Variants in POLR3B observed in about 807,000 individuals in gnomAD.
POLR3B encodes RNA polymerase III subunit B.
POLR3B carries 96 observed loss-of-function variants against 147.4 expected under a neutral mutation model. That is an observed-to-expected ratio of 0.65 (90% CI 0.55 to 0.77). The LOEUF (loss-of-function observed/expected upper bound fraction) is 0.77, where lower values mean the gene tolerates loss of function less well. Ranked by LOEUF, POLR3B falls within the 30% of genes least tolerant of loss-of-function variation. POLR3B has a pLI of 0.00. For missense variants in POLR3B, 1,036 were observed against 1,413.5 expected, an observed-to-expected ratio of 0.73 and a Z score of 4.28; for synonymous variants, 461 against 485.9, an observed-to-expected ratio of 0.95 and a Z score of 0.67.
chr12:106,429,545 A>G (rs1235761941), intron 13 of POLR3B, among the ~76,000 whole-genome samples: 1 of 152,154 alleles, frequency 6.6e-6, no homozygotes, highest in Non-Finnish European at 1.5e-5. Context: ...GAATATTTTT[A>G]ATGTATACAA....
chr12:106,378,923 A>C (rs2036719744), intron 8 of POLR3B, among the ~76,000 whole-genome samples: 2 of 152,190 alleles, frequency 1.3e-5, no homozygotes, highest in African/African-American at 2.4e-5. Flanking sequence ...AATTTGAAAT[A>C]TGGAGGTTAA....
chr12:106,423,246 G>A (rs540635389), intron 12 of POLR3B, among the ~76,000 whole-genome samples: 186 of 151,996 alleles, frequency 1.2e-3, no homozygotes, highest in Non-Finnish European at 2.1e-3. Flanking sequence ...ACAAATTGTC[G>A]CCATCAAATC....
chr12:106,398,328 G>A (rs1212089562), intron 10 of POLR3B, among the ~76,000 whole-genome samples: 8 of 152,234 alleles, frequency 5.3e-5, no homozygotes, highest in Non-Finnish European at 8.8e-5. Context: ...TAAACAAAGC[G>A]GCTGGGAAGC....
chr12:106,385,587 A>C (rs552635977), intron 9 of POLR3B, among the ~76,000 whole-genome samples: 2 of 152,232 alleles, frequency 1.3e-5, no homozygotes, highest in African/African-American at 4.8e-5. Context: ...ATGAGTCTTT[A>C]CTGTTAAAGT....
intron 10 of POLR3B, among the ~76,000 whole-genome samples, chr12:106,404,280 A>T (rs540393327): frequency 1.5e-4 from 23 of 152,042 alleles, no homozygotes; most frequent in South Asian, 4.2e-4. Flanking sequence ...TTTAGTAGAG[A>T]CGGAGTTTCG....
intron 23 of POLR3B, among the ~76,000 whole-genome samples, chr12:106,486,420 C>T (rs1210658832): frequency 1.3e-5 from 2 of 151,386 alleles, no homozygotes; most frequent in Non-Finnish European, 2.9e-5. Flanking sequence ...AAGCATATGG[C>T]TCATTTGGTT....
intron 23 of POLR3B, among the ~76,000 whole-genome samples, chr12:106,479,902 C>T (rs1411558596): frequency 1.3e-5 from 2 of 151,476 alleles, no homozygotes; most frequent in South Asian, 2.1e-4. Context: ...CATCCTCAAC[C>T]TCCTGGGCTC....
intron 23 of POLR3B, among the ~76,000 whole-genome samples, chr12:106,489,822 G>C (rs1019800333): frequency 1.3e-5 from 2 of 152,174 alleles, no homozygotes; most frequent in African/African-American, 4.8e-5. Flanking sequence ...CAAGTCCACA[G>C]CTTTAAACAG....
intron 13 of POLR3B, 35 bp downstream of exon 13, chr12:106,427,393 T>G (rs2037454302): frequency 6.3e-7 from 1 of 1,583,058 alleles, no homozygotes; most frequent in African/African-American, 1.3e-5. Context: ...GATTTTGTAA[T>G]TTATTTGTAA....
rs2038500977 is a variant in POLR3B, at chr12:106,497,055, C to CG, written c.2984+139dup. 4.5e-5 allele frequency: 36 copies of CG among 807,604 alleles called. 2 individuals are homozygous for CG. Among genetic ancestry groups the CG allele is most frequent in the South Asian group, 4.3e-4 (30 of 69,628 alleles). 50.0% of individuals were successfully genotyped at this position (807,604 alleles called of 1,614,324 possible). A position where few individuals can be genotyped will look rare whatever the true frequency, so the allele number is the denominator to read the frequency against. On this transcript the variant is annotated intron_variant, in intron 25 of 27. Coordinates refer to ENST00000228347, the MANE Select transcript of POLR3B (RefSeq NM_018082.6). ...CCCGTGGGCGGCATGTGGCCCAGGA[C>CG]GGCTTCGAATGCGGTCTGACACAAA... is the stretch of plus-strand genomic sequence containing the variant.
At position 106,437,608 on chromosome 12, in the gene POLR3B, A is replaced by G. The variant is rs569808455; in HGVS notation, c.1857-73A>G. On this transcript the variant is annotated intron_variant, in intron 17 of 27. Coordinates refer to ENST00000228347, the MANE Select transcript of POLR3B (RefSeq NM_018082.6). Reference sequence around the variant, plus strand: ...GCTTTGGGCCTAAACGAAAGCCAGTATCTCCTGTTATTATATAAAATACTG... The same window carrying G: ...GCTTTGGGCCTAAACGAAAGCCAGTGTCTCCTGTTATTATATAAAATACTG... 1.5e-5 allele frequency: 12 copies of G among 817,818 alleles called. No homozygotes were observed. In the African/African-American group the frequency reaches 1.5e-4, roughly 10 times the overall value. The allele number at this position is 817,818 out of a possible 1,614,324, so 50.7% of individuals were successfully genotyped here.
intron 27 of POLR3B, among the ~76,000 whole-genome samples, chr12:106,506,838 C>T (rs1440226876): frequency 2.0e-5 from 3 of 152,054 alleles, no homozygotes; most frequent in African/African-American, 4.8e-5. Context: ...GCTTTCTGGC[C>T]GAGGAGCGTA....
intron 19 of POLR3B, among the ~76,000 whole-genome samples, chr12:106,452,578 A>G (rs775894005): frequency 3.3e-5 from 5 of 152,208 alleles, no homozygotes; most frequent in Non-Finnish European, 7.3e-5. Flanking sequence ...TAAGGTATAC[A>G]ATTGGAACTG....
chr12:106,446,053 G>A (rs898862612), intron 19 of POLR3B, among the ~76,000 whole-genome samples: 22 of 152,180 alleles, frequency 1.4e-4, no homozygotes, highest in Admixed American at 5.9e-4. Context: ...CATCAATTTA[G>A]CCTTTCCCAT....
rs2137009300 is a variant in POLR3B, at chr12:106,437,567, T to C, written c.1857-114T>C. The C allele has an allele frequency of 4.3e-6, 3 of 704,380 alleles. No homozygotes were observed. In the South Asian group the frequency reaches 4.5e-5, roughly 11 times the overall value. The allele number at this position is 704,380 out of a possible 1,614,324, so 43.6% of individuals were successfully genotyped here. On this transcript the variant is annotated intron_variant, in intron 17 of 27. Transcript: ENST00000228347. ...CAGGTATCCCAATGTAATGATATTCTCTGGGAGAGAAAGGTGCTTTGGGCC... is the reference window on the plus strand; with the variant it reads ...CAGGTATCCCAATGTAATGATATTCCCTGGGAGAGAAAGGTGCTTTGGGCC...
At chr12:106,406,211 T>G (rs1409536971) in intron 11 of POLR3B, among the ~76,000 whole-genome samples, 2 of 152,236 alleles carry the variant, frequency 1.3e-5, no homozygotes, top group Non-Finnish European at 2.9e-5. Context: ...TCTTTCAGTC[T>G]TAAATTATTG....
At chr12:106,494,013 A>T (rs1413908220) in intron 23 of POLR3B, among the ~76,000 whole-genome samples, 1 of 152,170 alleles carries the variant, frequency 6.6e-6, no homozygotes, top group Non-Finnish European at 1.5e-5. Context: ...AAAGCTGCTT[A>T]TGTGTATTTT....
At chr12:106,398,911 TA>T (rs1029663458) in intron 10 of POLR3B, among the ~76,000 whole-genome samples, 6 of 151,994 alleles carry the variant, frequency 3.9e-5, no homozygotes, top group African/African-American at 1.5e-4. Flanking sequence ...CTGGAAACTC[TA>T]AAAATCACAG....
intron 1 of POLR3B, chr12:106,358,313 A>C: frequency 8.8e-7 from 1 of 1,140,014 alleles, no homozygotes; most frequent in Non-Finnish European, 1.1e-6. Flanking sequence ...CAGGGAGCTC[A>C]GGCCATTTGC....
Sources: gnomAD v4.1 joint callset for allele counts (sites outside exome capture counted in the v4.1 genomes callset) on GRCh38, gnomAD v4.1.1 for gene constraint, MANE v1.5 for transcripts, NCBI Gene and HGNC (gene_info 2026-07-23, HGNC 2026-07-21) for gene names.